DPYD: variants seen among roughly 807,000 people sequenced by gnomAD.
DPYD encodes dihydropyrimidine dehydrogenase [NADP(+)].
In DPYD, 109 loss-of-function variants were observed where a neutral mutation model predicts 116.2. That is an observed-to-expected ratio of 0.94 (90% CI 0.80 to 1.10). DPYD has a LOEUF of 1.10. Ranked by LOEUF, DPYD falls within the 50% of genes least tolerant of loss-of-function variation. DPYD has a pLI of 0.00. For missense variants in DPYD, 1,302 were observed against 1,254.5 expected (o/e 1.04, Z -0.57); for synonymous variants, 440 against 432.0 (o/e 1.02, Z -0.23).
chr1:97,125,314 T>C (rs1652753624), intron 20 of DPYD, among the ~76,000 whole-genome samples: 1 of 152,124 alleles, frequency 6.6e-6, no homozygotes, highest in Non-Finnish European at 1.5e-5. Context: ...CTTGATCACA[T>C]GAGATCGTTT....
intron 20 of DPYD, among the ~76,000 whole-genome samples, chr1:97,145,228 T>C (rs886221111): frequency 6.6e-6 from 1 of 152,172 alleles, no homozygotes; most frequent in Non-Finnish European, 1.5e-5. Context: ...CATATTAAAA[T>C]GTATATTAGC....
At chr1:97,157,143 C>A (rs969747579) in intron 20 of DPYD, among the ~76,000 whole-genome samples, 3 of 150,658 alleles carry the variant, frequency 2.0e-5, no homozygotes, top group African/African-American at 7.3e-5. Context: ...GGGAGGATAG[C>A]ATTAGGAGAT....
chr1:97,819,416 G>T (rs1401528570), intron 3 of DPYD, among the ~76,000 whole-genome samples: 1 of 151,556 alleles, frequency 6.6e-6, no homozygotes, highest in Admixed American at 6.6e-5. Flanking sequence ...TTATACATGG[G>T]CATTTCTGAT....
At chr1:97,617,307 T>C (rs748041276) in intron 8 of DPYD, among the ~76,000 whole-genome samples, 31 of 152,162 alleles carry the variant, frequency 2.0e-4, no homozygotes, top group Non-Finnish European at 4.1e-4. Flanking sequence ...TATCCATGCC[T>C]AAATAAAGGT....
chr1:97,604,559 T>G (rs1344936952), intron 8 of DPYD, among the ~76,000 whole-genome samples: 1 of 152,092 alleles, frequency 6.6e-6, no homozygotes, highest in Non-Finnish European at 1.5e-5. Context: ...TTTCATAAGT[T>G]TTCCAAAAAA....
intron 14 of DPYD, among the ~76,000 whole-genome samples, chr1:97,436,826 G>A (rs1179439826): frequency 6.6e-6 from 1 of 151,894 alleles, no homozygotes; most frequent in Non-Finnish European, 1.5e-5. Flanking sequence ...ATGCTAGAGG[G>A]TGTTAATTGA....
intron 18 of DPYD, among the ~76,000 whole-genome samples, chr1:97,303,266 T>C (rs1666968560): frequency 6.6e-6 from 1 of 152,030 alleles, no homozygotes; most frequent in South Asian, 2.1e-4. Context: ...TTTTCACTTT[T>C]TAAAAATCTG....
chr1:97,716,910 GA>G (rs1328816035), intron 5 of DPYD, among the ~76,000 whole-genome samples: 1 of 151,822 alleles, frequency 6.6e-6, no homozygotes, highest in Non-Finnish European at 1.5e-5. Context: ...TCAATTACAT[GA>G]AAAAATTCAA....
intron 13 of DPYD, among the ~76,000 whole-genome samples, chr1:97,509,510 C>T (rs1428980683): frequency 6.6e-6 from 1 of 151,880 alleles, no homozygotes; most frequent in African/African-American, 2.4e-5. Flanking sequence ...CATAATACAT[C>T]TCTAGAAAGA....
chr1:97,591,941 T>TA (rs1268692181), intron 10 of DPYD, among the ~76,000 whole-genome samples: 8 of 151,712 alleles, frequency 5.3e-5, no homozygotes, highest in Non-Finnish European at 7.4e-5. Flanking sequence ...TTGGATTTTA[T>TA]AAAAAAGTCT....
At position 97,346,155 on chromosome 1, in the gene DPYD, T is replaced by A. The variant is rs114376726; in HGVS notation, c.2058+27406A>T. Among the ~76,000 whole-genome samples, 272 of 151,988 alleles carry A rather than the reference T, an allele frequency of 1.8e-3. 1 individual carries two copies. Among genetic ancestry groups the A allele is most frequent in the African/African-American group, 6.4e-3 (265 of 41,544 alleles). ...CCTTATTCTTCAGCAACTTCCTTTG[T>A]CAATCTGACATTATATCACAGAGAT... On this transcript the variant is annotated intron_variant, in intron 16 of 22. Transcript: ENST00000370192.
At chr1:97,154,975 C>G (rs1655331658) in intron 20 of DPYD, among the ~76,000 whole-genome samples, 1 of 152,012 alleles carries the variant, frequency 6.6e-6, no homozygotes, top group Non-Finnish European at 1.5e-5. Flanking sequence ...GTGTACTCAC[C>G]CTAAGTAAGT....
At position 97,573,942 on chromosome 1, in the gene DPYD, TCA is replaced by T. The variant is rs769925158; in HGVS notation, c.1155_1156del (p.Cys385Ter). ...CCGTGGGGACAGGAATGGCAGAAATTCACACTTTTCTTCCTTAGCAAGTTCCA... is the reference window on the plus strand; with the variant it reads ...CCGTGGGGACAGGAATGGCAGAAATTCACTTTTCTTCCTTAGCAAGTTCCA... On this transcript the variant is annotated stop_gained and frameshift_variant, in exon 11 of 23. Coordinates refer to ENST00000370192, the MANE Select transcript of DPYD (RefSeq NM_000110.4). LOFTEE classifies it high-confidence loss of function. 9.9e-6 allele frequency: 16 copies of T among 1,613,480 alleles called. No individual in the cohort carries two copies. In the East Asian group the frequency reaches 2.7e-4, roughly 27 times the overall value.
intron 12 of DPYD, among the ~76,000 whole-genome samples, chr1:97,540,697 T>C (rs1650388432): frequency 6.6e-6 from 1 of 152,188 alleles, no homozygotes; most frequent in Admixed American, 6.5e-5. Flanking sequence ...GTCAATCAAC[T>C]TAACCTTCAG....
intron 20 of DPYD, among the ~76,000 whole-genome samples, chr1:97,129,719 C>T (rs1386760804): frequency 3.3e-5 from 5 of 152,194 alleles, no homozygotes; most frequent in African/African-American, 1.2e-4. Flanking sequence ...CATGCCACCA[C>T]AAGATGGTTA....
intron 9 of DPYD, among the ~76,000 whole-genome samples, chr1:97,593,735 C>T (rs982884120): frequency 6.6e-6 from 1 of 152,006 alleles, no homozygotes; most frequent in African/African-American, 2.4e-5. Flanking sequence ...TTTCCTTTTG[C>T]TAGAAGAAAA....
intron 1 of DPYD, among the ~76,000 whole-genome samples, chr1:97,915,907 T>C (rs1471079753): frequency 6.6e-6 from 1 of 151,842 alleles, no homozygotes; most frequent in African/African-American, 2.4e-5. Flanking sequence ...ACGACAATCT[T>C]TTTTCAGTCT....
chr1:97,820,594 C>T (rs1448675233), intron 3 of DPYD, among the ~76,000 whole-genome samples: 1 of 152,166 alleles, frequency 6.6e-6, no homozygotes, highest in African/African-American at 2.4e-5. Context: ...ATAGTATACA[C>T]ACACCAGTAA....
At chr1:97,347,568 T>G (rs1669922108) in intron 16 of DPYD, among the ~76,000 whole-genome samples, 1 of 152,056 alleles carries the variant, frequency 6.6e-6, no homozygotes, top group African/African-American at 2.4e-5. Flanking sequence ...GCATTGATGC[T>G]TATGAGTGAG....
Sources: allele counts gnomAD v4.1 joint callset (sites outside exome capture counted in the v4.1 genomes callset), GRCh38; gene constraint gnomAD v4.1.1; transcripts MANE v1.5; gene names NCBI Gene and HGNC (gene_info 2026-07-23, HGNC 2026-07-21).